Variants in RBM25 observed in about 807,000 individuals in gnomAD.
RBM25 encodes the protein RNA-binding protein 25.
In RBM25, 19 loss-of-function variants were observed where a neutral mutation model predicts 120.7. That is an observed-to-expected ratio of 0.16 (90% CI 0.11 to 0.23). RBM25 has a LOEUF of 0.23. Among genes scored for constraint, RBM25 ranks in the 10% least tolerant of loss-of-function variants. The probability of loss-of-function intolerance (pLI) is 1.00; values close to 1 mark genes in which losing one functional copy is unlikely to be tolerated. For missense variants in RBM25, 605 were observed against 1,041.5 expected, an observed-to-expected ratio of 0.58 and a Z score of 5.77; for synonymous variants, 390 against 326.7, an observed-to-expected ratio of 1.19 and a Z score of -2.09.
At chr14:73,116,388 G>A (rs1896427785) in intron 18 of RBM25, among the ~76,000 whole-genome samples, 1 of 152,196 alleles carries the variant, frequency 6.6e-6, no homozygotes, top group African/African-American at 2.4e-5. Context: ...GAGGGACATC[G>A]TGGGGTTTAT....
In RBM25 at chr14:73,120,849, T is replaced by C. The variant is rs1279085264; in HGVS notation, c.*1044T>C. On this transcript the variant is annotated 3_prime_UTR_variant, in exon 19 of 19. Coordinates refer to ENST00000261973, the MANE Select transcript of RBM25 (RefSeq NM_021239.3). ...ACATGATAGGTATTCTGCTCGGCAA[T>C]TTGTAAGTTTACATGTTATTTAAGG... 6.6e-6 allele frequency: 1 copy of C among 152,180 alleles called. No individual in the cohort carries two copies. Among genetic ancestry groups the C allele is most frequent in the Non-Finnish European group, 1.5e-5 (1 of 68,018 alleles). The allele number at this position is 152,180 out of a possible 1,614,324, so 9.4% of individuals were successfully genotyped here.
chr14:73,076,849 A>G (rs900844084), intron 3 of RBM25, among the ~76,000 whole-genome samples: 3 of 152,224 alleles, frequency 2.0e-5, no homozygotes, highest in African/African-American at 7.2e-5. Context: ...TTCAAGACAT[A>G]GGCCAGGATC....
At chr14:73,093,379 T>C (rs1895860153) in intron 6 of RBM25, among the ~76,000 whole-genome samples, 1 of 152,234 alleles carries the variant, frequency 6.6e-6, no homozygotes, top group Non-Finnish European at 1.5e-5. Flanking sequence ...AGCTTTACTA[T>C]TGAAATTTTA....
At chr14:73,069,569 G>C (rs537415780) in intron 1 of RBM25, among the ~76,000 whole-genome samples, 1 of 151,758 alleles carries the variant, frequency 6.6e-6, no homozygotes, top group African/African-American at 2.4e-5. Flanking sequence ...ATGTAGCTGG[G>C]ATTACAGGCA....
At chr14:73,097,398 A>C (rs1438957576) in intron 7 of RBM25, among the ~76,000 whole-genome samples, 1 of 151,240 alleles carries the variant, frequency 6.6e-6, no homozygotes, top group Non-Finnish European at 1.5e-5. Flanking sequence ...ACGGGGTTTC[A>C]CCGTGTTAGC....
chr14:73,084,603 AGTGCAGTG>A (rs1307416481), intron 5 of RBM25, among the ~76,000 whole-genome samples: 3 of 152,042 alleles, frequency 2.0e-5, no homozygotes, highest in African/African-American at 7.2e-5. Context: ...CCCAGGCTGG[AGTGCAGTG>A]GTGCGATCTT....
chr14:73,111,013 T>C lies in RBM25; in HGVS notation c.1875T>C (p.Ser625=). Residue 625 remains serine (S), a synonymous_variant, in exon 15 of 19, where the codon TCT becomes TCC. Transcript: ENST00000261973. ...TGAGGCCCATCAGCTCTGCTCCATC[T>C]GTTTCCTCTGCCAGTGGCAATGCAA... The part of the protein sequence containing the change: ...PTLRPISSAP[S]VSSASGNATP... The C allele has an allele frequency of 1.2e-6, 2 of 1,614,150 alleles. No homozygotes were observed. The highest frequency in any genetic ancestry group is 1.1e-5 in the South Asian group (1 of 91,068).
Position 73,062,309 on chromosome 14 carries a change from C to CT in RBM25, c.-16+3614dup, listed in dbSNP as rs372246335. On this transcript the variant is annotated intron_variant, in intron 1 of 18. Transcript: ENST00000261973. ...CCCATTCTTCTTTGGGCATAAAACA[C>CT]TTTTTTTTTTCTAGGAATAATTCCT... 8.6e-3 allele frequency among the ~76,000 whole-genome samples: 1,278 copies of CT among 148,944 alleles called. 29 individuals carry two copies. Among genetic ancestry groups the CT allele is most frequent in the African/African-American group, 0.03 (1,215 of 40,824 alleles).
chr14:73,103,948 T>TCTCTCTCTCTCTCTCTCACA (rs1594928335), intron 10 of RBM25, among the ~76,000 whole-genome samples: 1 of 91,348 alleles, frequency 1.1e-5, no homozygotes, highest in Non-Finnish European at 2.4e-5. Context: ...TCTCTCTCTC[T>TCTCTCTCTCTCTCTCTCACA]CACACACACA....
intron 6 of RBM25, among the ~76,000 whole-genome samples, chr14:73,096,682 A>G (rs913378866): frequency 6.6e-6 from 1 of 152,172 alleles, no homozygotes; most frequent in East Asian, 1.9e-4. Flanking sequence ...AAATTTAGGG[A>G]CCAGAATTTT....
chr14:73,084,108 G>C (rs1289668846), intron 5 of RBM25, among the ~76,000 whole-genome samples: 1 of 152,020 alleles, frequency 6.6e-6, no homozygotes, highest in Non-Finnish European at 1.5e-5. Context: ...ATGTTGGCCA[G>C]GCTGGTCTCA....
At chr14:73,067,801 CG>C in intron 1 of RBM25, among the ~76,000 whole-genome samples, 1 of 151,042 alleles carries the variant, frequency 6.6e-6, no homozygotes, top group East Asian at 1.9e-4. Context: ...TTAGTAGAGA[CG>C]GGGTTTCACC....
At chr14:73,095,803 T>C (rs993732756) in intron 6 of RBM25, among the ~76,000 whole-genome samples, 1 of 152,118 alleles carries the variant, frequency 6.6e-6, no homozygotes, top group Non-Finnish European at 1.5e-5. Context: ...GAGCCAGGCA[T>C]GTATGCACAT....
intron 17 of RBM25, among the ~76,000 whole-genome samples, chr14:73,114,002 C>T (rs1896371752): frequency 6.6e-6 from 1 of 152,120 alleles, no homozygotes; most frequent in Non-Finnish European, 1.5e-5. Flanking sequence ...ATATTATGAA[C>T]AGTAAATTTA....
intron 5 of RBM25, among the ~76,000 whole-genome samples, chr14:73,086,495 A>G (rs1895689822): frequency 6.6e-6 from 1 of 151,394 alleles, no homozygotes; most frequent in Non-Finnish European, 1.5e-5. Flanking sequence ...TCCAGTGTAT[A>G]CTAATTCAGA....
At chr14:73,089,708 C>T (rs117733831) in intron 6 of RBM25, among the ~76,000 whole-genome samples, 2,435 of 130,470 alleles carry the variant, frequency 0.019, 48 homozygotes, top group East Asian at 0.056. Flanking sequence ...CCTCTCTTGC[C>T]CAGGCTGGAG....
chr14:73,112,999 A>G (rs772393871), intron 17 of RBM25, among the ~76,000 whole-genome samples: 1 of 151,760 alleles, frequency 6.6e-6, no homozygotes. Context: ...GTTTTAAATT[A>G]TACTTTAAAT....
chr14:73,071,245 A>C (rs1467712697), intron 1 of RBM25, among the ~76,000 whole-genome samples: 1 of 151,520 alleles, frequency 6.6e-6, no homozygotes, highest in Non-Finnish European at 1.5e-5. Context: ...TGTCTCAAAA[A>C]AAAAAAAAAA....
chr14:73,082,787 C>T (rs953600974), intron 4 of RBM25, among the ~76,000 whole-genome samples: 1 of 151,802 alleles, frequency 6.6e-6, no homozygotes, highest in South Asian at 2.1e-4. Context: ...GATGGCTGGG[C>T]GCAGTGGCTC....
Sources: allele counts gnomAD v4.1 joint callset (sites outside exome capture counted in the v4.1 genomes callset), GRCh38; gene constraint gnomAD v4.1.1; transcripts MANE v1.5; gene names NCBI Gene and HGNC (gene_info 2026-07-23, HGNC 2026-07-21).